Variants in CHAT observed in about 807,000 individuals in gnomAD.
CHAT encodes choline O-acetyltransferase.
A neutral mutation model predicts 76.9 loss-of-function variants in CHAT; 61 were observed. The ratio of observed to expected loss-of-function variants is 0.79; its 90% CI spans 0.65 to 0.98. The LOEUF (loss-of-function observed/expected upper bound fraction) is 0.98. Among genes scored for constraint, CHAT ranks in the 50% least tolerant of loss-of-function variants. CHAT has a pLI of 0.00. For synonymous variants in CHAT, 407 were observed against 397.4 expected (o/e 1.02, Z -0.29); for missense variants, 946 against 986.9 (o/e 0.96, Z 0.56).
chr10:49,609,891 C>A (rs1838243051), upstream of CHAT, among the ~76,000 whole-genome samples: 1 of 151,892 alleles, frequency 6.6e-6, no homozygotes, highest in African/African-American at 2.4e-5. Context: ...GCGCCGAGGT[C>A]CAGGCTGAAG....
intron 14 of CHAT, among the ~76,000 whole-genome samples, chr10:49,663,387 C>T (rs758008895): frequency 9.2e-5 from 14 of 152,336 alleles, no homozygotes; most frequent in Admixed American, 1.3e-4. Flanking sequence ...GCGGTTTCCA[C>T]GGGCTCTGAT....
At chr10:49,652,865 C>T (rs565236516) in intron 11 of CHAT, among the ~76,000 whole-genome samples, 2 of 152,086 alleles carry the variant, frequency 1.3e-5, no homozygotes, top group East Asian at 1.9e-4. Context: ...AGGGTCACCA[C>T]CCTCCACACG....
rs1840344666 is a variant in CHAT at position 49,666,570 on chromosome 10, T to C, written c.*1524T>C. ...CCCTTCTTTGTGCCACTGTGAAGGC[T>C]CTCCACACTTCGACCTGGACTGTCA... On this transcript the variant is annotated 3_prime_UTR_variant, in exon 15 of 15. Transcript: ENST00000337653. Among the ~76,000 whole-genome samples the C allele has an allele frequency of 6.6e-6, 1 of 152,126 alleles. No homozygotes were observed. The highest frequency in any genetic ancestry group is 2.4e-5 in the African/African-American group (1 of 41,428).
chr10:49,651,810 A>G, intron 10 of CHAT, 74 bp from the exon 11 acceptor site: 1 of 1,498,908 alleles, frequency 6.7e-7, no homozygotes, highest in East Asian at 2.4e-5. Context: ...CAGGCTCTAG[A>G]AGCCCGGGGA....
chr10:49,611,635 A>T (rs758164809), upstream of CHAT: 6 of 1,611,814 alleles, frequency 3.7e-6, no homozygotes, highest in Non-Finnish European at 5.1e-6. Flanking sequence ...CGGCGCGCTC[A>T]CCACCTGTAA....
chr10:49,617,959 T>A (rs995590373), intron 2 of CHAT, among the ~76,000 whole-genome samples: 1 of 152,124 alleles, frequency 6.6e-6, no homozygotes, highest in Non-Finnish European at 1.5e-5. Context: ...CATTCATCCA[T>A]CAGCAGCAGG....
chr10:49,616,987 T>C (rs1838520929), intron 2 of CHAT, among the ~76,000 whole-genome samples: 1 of 152,202 alleles, frequency 6.6e-6, no homozygotes, highest in East Asian at 1.9e-4. Flanking sequence ...CTCCAGCTGC[T>C]ATCACTAGTT....
intron 7 of CHAT, among the ~76,000 whole-genome samples, 192 bp from the exon 8 acceptor site, chr10:49,646,313 A>T (rs1590605887): frequency 1.3e-5 from 2 of 152,320 alleles, no homozygotes; most frequent in East Asian, 3.9e-4. Flanking sequence ...GGTAGGACAG[A>T]GGCTCAGGAC....
chr10:49,639,036 C>G (rs1187159123), intron 7 of CHAT, among the ~76,000 whole-genome samples: 4 of 152,090 alleles, frequency 2.6e-5, no homozygotes, highest in African/African-American at 9.7e-5. Context: ...GAGTTCAAGA[C>G]CAGCCTGGCC....
Position 49,664,965 on chromosome 10 carries a change from C to A in CHAT, c.2166C>A (p.Cys722Ter). The A allele has an allele frequency of 2.5e-6, 4 of 1,614,262 alleles. No homozygotes were observed. The highest frequency in any genetic ancestry group is 3.4e-6 in the Non-Finnish European group (4 of 1,180,050). Residue 722 changes from cysteine (C) to a stop codon, truncating the protein, a stop_gained, in exon 15 of 15, where the codon TGC (cysteine) becomes TGA (stop). Coordinates refer to ENST00000337653, the MANE Select transcript of CHAT (RefSeq NM_020549.5). LOFTEE classifies it low-confidence loss of function (END_TRUNC). ...GCCTCATTGACATGAGAGACCTCTG[C>A]AGTCTGCTGCCGCCTACTGAGAGCA... ...EESLIDMRDL[C>*]SLLPPTESKP...
At chr10:49,658,386 A>G (rs2140404) in intron 13 of CHAT, among the ~76,000 whole-genome samples, 146,315 of 152,288 alleles carry the variant, frequency 0.96, 70,498 homozygotes, top group Middle Eastern at 1. Context: ...GCGTGGTTGC[A>G]CATGCCTGCA....
In CHAT at chr10:49,627,683, G is replaced by C. The variant is rs1462079971; in HGVS notation, c.1009G>C (p.Val337Leu). ...TCTGTTCACTCAGTTGAGAAAGATA[G>C]TCAAAATGGCTTCCAACGAGGACGA... ...GDLFTQLRKIVKMASNEDERL... is the reference protein window; with the variant it reads ...GDLFTQLRKILKMASNEDERL... Residue 337 changes from valine (V) to leucine (L), a missense_variant, in exon 7 of 15, where the codon GTC becomes CTC. Around this residue, in one of 3 missense-constraint regions of CHAT, gnomAD observed 548 missense variants for 516.2 expected, o/e 1.06. Transcript: ENST00000337653. 1.9e-6 allele frequency: 3 copies of C among 1,614,188 alleles called. No homozygotes were observed. The highest frequency in any genetic ancestry group is 2.5e-6 in the Non-Finnish European group (3 of 1,179,996).
intron 7 of CHAT, chr10:49,637,640 C>A: frequency 6.5e-6 from 1 of 152,776 alleles, no homozygotes; most frequent in South Asian, 1.9e-4. Flanking sequence ...GATGCCTCCC[C>A]AGCCACGTGA....
In CHAT at chr10:49,646,644, G is replaced by C. The variant is rs1839677679; in HGVS notation, c.1251G>C (p.Gly417=). 6.2e-7 allele frequency: 1 copy of C among 1,614,036 alleles called. No individual in the cohort carries two copies. The highest frequency in any genetic ancestry group is 8.5e-7 in the Non-Finnish European group (1 of 1,180,034). ...ACGGCGGAGGCTACAGCAAGAACGG[G>C]GCCAATCGCTGGTACGACAAGTCCC... The part of the protein sequence containing the change: ...LLHGGGYSKN[G]ANRWYDKSLQ... The change falls in exon 8 of 15, where the codon GGG becomes GGC. Residue 417 remains glycine (G), a synonymous_variant. Coordinates refer to ENST00000337653, the MANE Select transcript of CHAT (RefSeq NM_020549.5).
At chr10:49,611,283 G>T (rs745946207), upstream of CHAT, 18 of 1,610,170 alleles carry the variant, frequency 1.1e-5, no homozygotes, top group Middle Eastern at 1.6e-4. Context: ...TGTTCGCGGC[G>T]CGCAGCCTGC....
intron 7 of CHAT, 51 bp from the exon 8 acceptor site, chr10:49,646,454 G>C: frequency 6.2e-7 from 1 of 1,609,002 alleles, no homozygotes; most frequent in Non-Finnish European, 8.5e-7. Flanking sequence ...GAGGAGGGAA[G>C]ACTGGCCTGG....
intron 13 of CHAT, among the ~76,000 whole-genome samples, chr10:49,661,090 G>A (rs1840179956): frequency 6.6e-6 from 1 of 152,144 alleles, no homozygotes; most frequent in African/African-American, 2.4e-5. Flanking sequence ...CAACTGTCTT[G>A]TTCTCTGTTG....
At chr10:49,650,005 G>C (rs748844573) in intron 10 of CHAT, among the ~76,000 whole-genome samples, 1 of 149,822 alleles carries the variant, frequency 6.7e-6, no homozygotes, top group Non-Finnish European at 1.5e-5. Flanking sequence ...ATTTAAATTT[G>C]CTTGAATGTA....
At chr10:49,625,199 A>G (rs939024421) in intron 5 of CHAT, among the ~76,000 whole-genome samples, 2 of 152,182 alleles carry the variant, frequency 1.3e-5, no homozygotes, top group African/African-American at 4.8e-5. Flanking sequence ...AGATCAGCAT[A>G]AGCAAAGATG....
Sources: allele counts gnomAD v4.1 joint callset (sites outside exome capture counted in the v4.1 genomes callset), GRCh38; gene constraint gnomAD v4.1.1; regional missense constraint gnomAD v4.1.1; transcripts MANE v1.5; gene names NCBI Gene and HGNC (gene_info 2026-07-23, HGNC 2026-07-21).